Variants in AOPEP observed in about 807,000 individuals in gnomAD.
The protein encoded by AOPEP is aminopeptidase O.
Under a neutral mutation model 98.1 loss-of-function variants are expected in AOPEP, and 77 were observed. The ratio of observed to expected loss-of-function variants is 0.78; its 90% confidence interval spans 0.65 to 0.95. The LOEUF is 0.95. Among genes scored for constraint, AOPEP ranks in the 40% least tolerant of loss-of-function variants. The probability of loss-of-function intolerance (pLI) is 0.00; values close to 1 mark genes in which losing one functional copy is unlikely to be tolerated. For synonymous variants in AOPEP, 346 were observed against 365.3 expected, an observed-to-expected ratio of 0.95 and a Z score of 0.60; for missense variants, 1,024 against 1,024.7, an observed-to-expected ratio of 1.00 and a Z score of 0.01.
At chr9:95,005,943 G>A (rs1351079791) in intron 13 of AOPEP, 6 of 506,902 alleles carry the variant, frequency 1.2e-5, no homozygotes, top group African/African-American at 2.0e-5. Context: ...AATGAAAAGT[G>A]TTCCGAATAA....
intron 5 of AOPEP, among the ~76,000 whole-genome samples, chr9:94,915,024 C>T (rs575277196): frequency 6.6e-6 from 1 of 152,266 alleles, no homozygotes; most frequent in East Asian, 1.9e-4. Flanking sequence ...GCTTCTGATA[C>T]CCGCTGGTGT....
chr9:94,952,927 A>C (rs1369605783), intron 7 of AOPEP, among the ~76,000 whole-genome samples: 4 of 152,188 alleles, frequency 2.6e-5, no homozygotes, highest in Non-Finnish European at 5.9e-5. Flanking sequence ...ATTTTTAGGC[A>C]AAGGAAAAAA....
At chr9:94,958,535 C>A (rs189462906) in intron 9 of AOPEP, among the ~76,000 whole-genome samples, 62 of 152,288 alleles carry the variant, frequency 4.1e-4, no homozygotes, top group African/African-American at 1.2e-3. Flanking sequence ...AGTTTTTTCA[C>A]GCACTTGCCA....
intron 5 of AOPEP, among the ~76,000 whole-genome samples, chr9:94,823,254 C>G (rs977321534): frequency 2.6e-5 from 4 of 152,164 alleles, no homozygotes; most frequent in African/African-American, 9.7e-5. Flanking sequence ...CCTCAGCCTC[C>G]CAAAGTGCTG....
chr9:94,885,183 T>C (rs1217266271), intron 5 of AOPEP, among the ~76,000 whole-genome samples: 1 of 151,228 alleles, frequency 6.6e-6, no homozygotes, highest in Non-Finnish European at 1.5e-5. Flanking sequence ...ACCCCATCTC[T>C]ACAAAACATA....
the AOPEP span, among the ~76,000 whole-genome samples, chr9:95,106,589 C>T: frequency 6.6e-6 from 1 of 152,120 alleles, no homozygotes; most frequent in Non-Finnish European, 1.5e-5. Flanking sequence ...CGTTTTTTAC[C>T]CCTCAAGTCA....
intron 2 of AOPEP, among the ~76,000 whole-genome samples, chr9:94,766,075 C>T (rs1839534406): frequency 6.6e-6 from 1 of 152,106 alleles, no homozygotes; most frequent in African/African-American, 2.4e-5. Context: ...GGTGTTCTTG[C>T]CAAGCTTCAA....
intron 5 of AOPEP, among the ~76,000 whole-genome samples, chr9:94,814,565 T>G (rs536542881): frequency 2.8e-4 from 42 of 152,344 alleles, no homozygotes; most frequent in African/African-American, 9.9e-4. Flanking sequence ...CTCTAGCTCC[T>G]TTTACTCTTG....
At chr9:94,941,950 T>C (rs1312645136) in intron 7 of AOPEP, among the ~76,000 whole-genome samples, 1 of 152,232 alleles carries the variant, frequency 6.6e-6, no homozygotes, top group Non-Finnish European at 1.5e-5. Flanking sequence ...TAAAATTCCA[T>C]TTACTACCAC....
At chr9:95,022,765 AAGAAGTTTTTTGATGT>A (rs1255906052) in intron 13 of AOPEP, among the ~76,000 whole-genome samples, 1 of 152,114 alleles carries the variant, frequency 6.6e-6, no homozygotes, top group Non-Finnish European at 1.5e-5. Flanking sequence ...TTTACTTCCC[AAGAAGTTTTTTGATGT>A]AGTTTTCTTA....
In AOPEP at chr9:94,834,432, G is replaced by A. The variant is rs145598154; in HGVS notation, c.1364+33430G>A. On this transcript the variant is annotated intron_variant, in intron 5 of 16. Coordinates refer to ENST00000375315, the MANE Select transcript of AOPEP (RefSeq NM_001193329.3). Reference sequence around the variant, plus strand: ...AAGTTGAACACTGACTGGATAGTTAGTGATATTAAGGAATTATTATATTAT... The same window carrying A: ...AAGTTGAACACTGACTGGATAGTTAATGATATTAAGGAATTATTATATTAT... Among the ~76,000 whole-genome samples the A allele has an allele frequency of 2.2e-4, 34 of 152,334 alleles. No homozygotes were observed. In the East Asian group the frequency reaches 6.0e-3, roughly 27 times the overall value.
In AOPEP at chr9:94,792,990, C is replaced by T. The variant is rs1846069220; in HGVS notation, c.1118+72C>T. ...GAGGGAGCGGTATGATGCATTTCTTCCAAGCACTGGGAATGTGAGTCATTC... is the reference window on the plus strand; with the variant it reads ...GAGGGAGCGGTATGATGCATTTCTTTCAAGCACTGGGAATGTGAGTCATTC... On this transcript the variant is annotated intron_variant, in intron 4 of 16. Coordinates refer to ENST00000375315, the MANE Select transcript of AOPEP (RefSeq NM_001193329.3). 3.4e-6 allele frequency: 5 copies of T among 1,461,126 alleles called. No homozygotes were observed. In the East Asian group the frequency reaches 1.1e-4, roughly 33 times the overall value. 90.5% of individuals were successfully genotyped at this position (1,461,126 alleles called of 1,614,324 possible).
intron 9 of AOPEP, among the ~76,000 whole-genome samples, chr9:94,960,902 CTCGGGAGGCTGAGGCAGGAGAA>C (rs1371284116): frequency 1.3e-5 from 2 of 151,548 alleles, no homozygotes; most frequent in East Asian, 3.9e-4. Flanking sequence ...GTCCCAGCTA[CTCGGGAGGCTGAGGCAGGAGAA>C]TGGCGTGAAC....
At chr9:94,752,950 T>C (rs1836170299) in intron 1 of AOPEP, among the ~76,000 whole-genome samples, 1 of 152,216 alleles carries the variant, frequency 6.6e-6, no homozygotes, top group African/African-American at 2.4e-5. Flanking sequence ...ATAGAAGATG[T>C]ACAGCCATTC....
At chr9:94,880,016 C>T (rs932529089) in intron 5 of AOPEP, among the ~76,000 whole-genome samples, 3 of 152,140 alleles carry the variant, frequency 2.0e-5, no homozygotes, top group Admixed American at 2.0e-4. Flanking sequence ...CTTTGTTTTT[C>T]CAAATTAAAT....
Position 94,754,368 on chromosome 9 carries a change from C to T in AOPEP, c.-135-5281C>T, listed in dbSNP as rs145141839. On this transcript the variant is annotated intron_variant, in intron 1 of 16. Transcript: ENST00000375315. The stretch of plus-strand genomic sequence containing the variant: ...AGCTGTCATTCTCTGATCAAGTAAT[C>T]GGTGGAATTAAATAGTAACTACTCA... Among the ~76,000 whole-genome samples the T allele has an allele frequency of 3.7e-3, 564 of 152,246 alleles. 2 individuals are homozygous for T. Among genetic ancestry groups the T allele is most frequent in the African/African-American group, 0.013 (547 of 41,544 alleles).
At chr9:94,742,484 A>G (rs1212551659) in intron 1 of AOPEP, among the ~76,000 whole-genome samples, 4 of 151,294 alleles carry the variant, frequency 2.6e-5, no homozygotes, top group Non-Finnish European at 4.4e-5. Context: ...CAGGCTGATG[A>G]GTGCAGTGGC....
At chr9:94,849,462 T>A (rs1000322777) in intron 5 of AOPEP, among the ~76,000 whole-genome samples, 5 of 151,930 alleles carry the variant, frequency 3.3e-5, no homozygotes, top group African/African-American at 1.2e-4. Context: ...TTGTTAAATG[T>A]TACCTTTTAC....
At chr9:95,098,049 G>A in the AOPEP span, among the ~76,000 whole-genome samples, 2 of 152,090 alleles carry the variant, frequency 1.3e-5, no homozygotes, top group African/African-American at 2.4e-5. Context: ...AGAAGCACGG[G>A]GAACTGTTTC....
Sources: gnomAD v4.1 joint callset for allele counts (sites outside exome capture counted in the v4.1 genomes callset) on GRCh38, gnomAD v4.1.1 for gene constraint, MANE v1.5 for transcripts, NCBI Gene and HGNC (gene_info 2026-07-23, HGNC 2026-07-21) for gene names.